Variants in KIAA1217 observed in about 807,000 individuals in gnomAD.
The protein encoded by KIAA1217 is sickle tail protein homolog.
In KIAA1217, 88 loss-of-function variants were observed where a neutral mutation model predicts 163.9. The ratio of observed to expected loss-of-function variants is 0.54; its 90% CI spans 0.45 to 0.64. The LOEUF (loss-of-function observed/expected upper bound fraction) is 0.64, where lower values mean the gene tolerates loss of function less well. KIAA1217 is among the 30% of genes least tolerant of loss of function. The pLI, the probability that KIAA1217 is intolerant of heterozygous loss-of-function variation, is 0.00. For missense variants in KIAA1217, 2,372 were observed against 2,475.0 expected (o/e 0.96, Z 0.88); for synonymous variants, 903 against 923.1 (o/e 0.98, Z 0.39).
intron 2 of KIAA1217, among the ~76,000 whole-genome samples, chr10:24,153,996 C>T (rs1281484823): frequency 6.7e-6 from 1 of 148,198 alleles, no homozygotes; most frequent in East Asian, 2.0e-4. Context: ...CTCGCTCTGT[C>T]GCCCAGGCTG....
At chr10:23,789,852 A>G (rs1448574045) in intron 1 of KIAA1217, among the ~76,000 whole-genome samples, 1 of 150,978 alleles carries the variant, frequency 6.6e-6, no homozygotes, top group African/African-American at 2.4e-5. Flanking sequence ...TAGAAATTTC[A>G]TTTGGTGAAA....
At chr10:24,402,390 T>C (rs1413258620) in intron 3 of KIAA1217, among the ~76,000 whole-genome samples, 1 of 151,450 alleles carries the variant, frequency 6.6e-6, no homozygotes, top group Non-Finnish European at 1.5e-5. Context: ...GCGCCTGTAG[T>C]CCCAACTACT....
chr10:23,961,350 T>G (rs559958470), intron 1 of KIAA1217, among the ~76,000 whole-genome samples: 57 of 152,332 alleles, frequency 3.7e-4, no homozygotes, highest in African/African-American at 1.3e-3. Context: ...CAAGAAACAT[T>G]TTTTAAAGCC....
chr10:23,917,956 T>C (rs1183718301), intron 1 of KIAA1217, among the ~76,000 whole-genome samples: 1 of 152,162 alleles, frequency 6.6e-6, no homozygotes, highest in African/African-American at 2.4e-5. Flanking sequence ...CAGTTTTAGC[T>C]TAGATGCATT....
At chr10:23,780,162 T>C (rs1835192018) in intron 1 of KIAA1217, among the ~76,000 whole-genome samples, 2 of 152,194 alleles carry the variant, frequency 1.3e-5, no homozygotes, top group Non-Finnish European at 2.9e-5. Flanking sequence ...ATTGTACATA[T>C]TTAAGGTAGA....
intron 2 of KIAA1217, among the ~76,000 whole-genome samples, chr10:24,267,891 G>A (rs768036310): frequency 1.4e-4 from 22 of 152,092 alleles, no homozygotes; most frequent in Non-Finnish European, 2.8e-4. Flanking sequence ...ATTGAAATTT[G>A]GGTGTGGGTT....
chr10:23,872,414 A>T (rs1840497624), intron 1 of KIAA1217, among the ~76,000 whole-genome samples: 1 of 152,050 alleles, frequency 6.6e-6, no homozygotes, highest in African/African-American at 2.4e-5. Flanking sequence ...CAAACTAACA[A>T]AAAACAGCTG....
chr10:23,729,996 G>C (rs955990103), intron 1 of KIAA1217, among the ~76,000 whole-genome samples: 1 of 151,952 alleles, frequency 6.6e-6, no homozygotes, highest in Non-Finnish European at 1.5e-5. Context: ...CCGCCTCCCA[G>C]GTTCACACCA....
chr10:24,340,295 A>C (rs921250763), intron 2 of KIAA1217, among the ~76,000 whole-genome samples: 1 of 152,122 alleles, frequency 6.6e-6, no homozygotes, highest in Non-Finnish European at 1.5e-5. Context: ...GAGATAATTG[A>C]ATCATGGGGG....
At chr10:24,035,353 T>C (rs1848346814) in intron 2 of KIAA1217, among the ~76,000 whole-genome samples, 1 of 152,216 alleles carries the variant, frequency 6.6e-6, no homozygotes, top group Non-Finnish European at 1.5e-5. Flanking sequence ...CCACAGCCTG[T>C]AGCATTTTCT....
In KIAA1217 at chr10:24,521,912, C is replaced by G. The variant is rs1163573297; in HGVS notation, c.2439C>G (p.Val813=). 6.8e-6 allele frequency: 11 copies of G among 1,611,546 alleles called. No individual in the cohort carries two copies. Among genetic ancestry groups the G allele is most frequent in the Non-Finnish European group, 8.5e-6 (10 of 1,179,140 alleles). The part of the protein sequence containing the change: ...LLKRVRSMTD[V]LTMLRRHVTD... ...AGCGTGTGCGCAGCATGACAGACGT[C>G]CTGACCATGCTGCGGAGGTGACCGG... Residue 813 remains valine, a synonymous_variant, in exon 12 of 21, where the codon GTC becomes GTG. Transcript: ENST00000376454.
At chr10:24,454,352 G>A (rs1253069366) in intron 5 of KIAA1217, among the ~76,000 whole-genome samples, 1 of 152,138 alleles carries the variant, frequency 6.6e-6, no homozygotes, top group Non-Finnish European at 1.5e-5. Context: ...TCAGTTGATC[G>A]ACACATGTAT....
In KIAA1217 at chr10:23,773,133, T is replaced by A. The variant is rs954971141; in HGVS notation, c.-321+77899T>A. Reference sequence around the variant, plus strand: ...GGATGGGCTGGAGAGAGGGATATGATTGACTGATTCATTAATGATTATCTT... The same window carrying A: ...GGATGGGCTGGAGAGAGGGATATGAATGACTGATTCATTAATGATTATCTT... On this transcript the variant is annotated intron_variant, in intron 1 of 18. Coordinates refer to the KIAA1217 transcript ENST00000376462. Among the ~76,000 whole-genome samples the A allele has an allele frequency of 3.9e-5, 6 of 152,212 alleles. No homozygotes were observed. In the East Asian group the frequency reaches 1.2e-3, roughly 29 times the overall value.
chr10:23,770,140 C>A (rs1334945523), intron 1 of KIAA1217, among the ~76,000 whole-genome samples: 1 of 152,180 alleles, frequency 6.6e-6, no homozygotes. Flanking sequence ...GCTGGGAGAA[C>A]CATTCTAACA....
chr10:24,091,599 C>T lies in KIAA1217; in HGVS notation c.-171+84225C>T, dbSNP rs1294443321. 2.0e-5 allele frequency among the ~76,000 whole-genome samples: 3 copies of T among 151,948 alleles called. No individual in the cohort carries two copies. The South Asian group carries it at 6.2e-4, about 32-fold the overall frequency. On this transcript the variant is annotated intron_variant, in intron 2 of 18. Transcript: ENST00000376462. The stretch of plus-strand genomic sequence containing the variant: ...CCCCAACTCCTGTACCTACCCAGGT[C>T]CTGGTGATCTGGGTGGTAACTGTGA...
chr10:23,820,866 T>C (rs1321669456), intron 1 of KIAA1217, among the ~76,000 whole-genome samples: 1 of 152,130 alleles, frequency 6.6e-6, no homozygotes, highest in African/African-American at 2.4e-5. Context: ...GGAAGTAATT[T>C]TAAAGATGAA....
intron 2 of KIAA1217, among the ~76,000 whole-genome samples, chr10:24,065,570 T>C (rs2060907725): frequency 6.6e-6 from 1 of 152,196 alleles, no homozygotes; most frequent in Admixed American, 6.5e-5. Context: ...AACTATGTGG[T>C]CAATTTTGGA....
intron 1 of KIAA1217, among the ~76,000 whole-genome samples, chr10:23,922,129 C>A (rs1257135979): frequency 6.6e-6 from 1 of 152,048 alleles, no homozygotes; most frequent in Non-Finnish European, 1.5e-5. Flanking sequence ...ATAATGCAAC[C>A]TCTGGCCAAT....
At chr10:24,109,192 T>C (rs1205826540) in intron 2 of KIAA1217, among the ~76,000 whole-genome samples, 1 of 152,170 alleles carries the variant, frequency 6.6e-6, no homozygotes, top group Admixed American at 6.5e-5. Flanking sequence ...ATCAGAGAGA[T>C]GGATCAACAC....
Sources: gnomAD v4.1 joint callset for allele counts (sites outside exome capture counted in the v4.1 genomes callset) on GRCh38, gnomAD v4.1.1 for gene constraint, MANE v1.5 for transcripts, NCBI Gene and HGNC (gene_info 2026-07-23, HGNC 2026-07-21) for gene names.